Variants in PRSS3 observed in about 807,000 individuals in gnomAD.
The protein encoded by PRSS3 is trypsin-3.
In PRSS3, 14 loss-of-function variants were observed where a neutral mutation model predicts 20.8. That is an observed-to-expected ratio of 0.67 (90% CI 0.44 to 1.05). The LOEUF (loss-of-function observed/expected upper bound fraction) is 1.05, where lower values mean the gene tolerates loss of function less well. Among genes scored for constraint, PRSS3 ranks in the 50% least tolerant of loss-of-function variants. The pLI, the probability that PRSS3 is intolerant of heterozygous loss-of-function variation, is 0.00. For missense variants in PRSS3, 237 were observed against 306.4 expected, an observed-to-expected ratio of 0.77 and a Z score of 1.69; for synonymous variants, 91 against 117.6, an observed-to-expected ratio of 0.77 and a Z score of 1.46.
chr9:33,750,734 C>T lies in PRSS3; in HGVS notation c.-53+7C>T, dbSNP rs1325515482. On this transcript the variant is annotated splice_region_variant and intron_variant, in intron 1 of 5. Transcript: ENST00000342836. This position sits in a 1 kb window ranked among gnomAD's most constrained non-coding sequence, Gnocchi z 4.8. ...TGCGAGGCGCTGGGCACAGGTCAGA[C>T]GTCAGTACCCGCAGGGGGCTTGAAA... is the stretch of plus-strand genomic sequence containing the variant. The T allele has an allele frequency of 2.7e-5, 39 of 1,430,110 alleles. No individual in the cohort carries two copies. The African/African-American group carries it at 5.2e-4, about 19-fold the overall frequency. The allele number at this position is 1,430,110 out of a possible 1,614,324, so 88.6% of individuals were successfully genotyped here. A position where few individuals can be genotyped will look rare whatever the true frequency, so the allele number is the denominator to read the frequency against.
chr9:33,754,635 G>A (rs1193812332), intron 1 of PRSS3, among the ~76,000 whole-genome samples: 3 of 151,844 alleles, frequency 2.0e-5, no homozygotes, highest in African/African-American at 7.3e-5. Context: ...TTCAAGACCA[G>A]CCTGGCCAAC....
intron 1 of PRSS3, among the ~76,000 whole-genome samples, chr9:33,754,810 C>A (rs1285492822): frequency 2.0e-5 from 3 of 152,064 alleles, no homozygotes; most frequent in African/African-American, 7.2e-5. Flanking sequence ...CCAGCCTGGA[C>A]AACAAGAGCA....
At chr9:33,798,869 G>A in intron 4 of PRSS3, 159 bp from the exon 5 acceptor site, 2 of 1,116,404 alleles carry the variant, frequency 1.8e-6, no homozygotes, top group Non-Finnish European at 2.6e-6. Flanking sequence ...CCCTTGTGCT[G>A]CACGCTGCCT....
intron 1 of PRSS3, among the ~76,000 whole-genome samples, chr9:33,779,385 T>C (rs1824078161): frequency 6.6e-6 from 1 of 152,198 alleles, no homozygotes; most frequent in Non-Finnish European, 1.5e-5. Flanking sequence ...ATAGCCATTT[T>C]GAGAATCAGA....
At chr9:33,782,846 G>C (rs1462674545) in intron 1 of PRSS3, among the ~76,000 whole-genome samples, 1 of 152,148 alleles carries the variant, frequency 6.6e-6, no homozygotes, top group East Asian at 1.9e-4. Context: ...TACCCCATGA[G>C]CCAGCAATTA....
At chr9:33,759,613 T>C (rs1192752909) in intron 1 of PRSS3, among the ~76,000 whole-genome samples, 1 of 152,140 alleles carries the variant, frequency 6.6e-6, no homozygotes, top group African/African-American at 2.4e-5. Context: ...GGAAAAAAGA[T>C]GGTGAATTCA....
upstream of PRSS3, among the ~76,000 whole-genome samples, chr9:33,794,080 G>T (rs140363004): frequency 7.0e-3 from 1,072 of 152,292 alleles, 3 homozygotes; most frequent in Middle Eastern, 0.017. Flanking sequence ...GGTACTCTGT[G>T]TGTCCTCTCA....
intron 1 of PRSS3, among the ~76,000 whole-genome samples, chr9:33,772,615 C>T (rs900238861): frequency 6.6e-6 from 1 of 152,056 alleles, no homozygotes; most frequent in Admixed American, 6.6e-5. Flanking sequence ...TTGCTTGTCT[C>T]GCCAACATCT....
upstream of PRSS3, among the ~76,000 whole-genome samples, chr9:33,792,667 G>A (rs2119075895): frequency 6.6e-6 from 1 of 152,328 alleles, no homozygotes; most frequent in Non-Finnish European, 1.5e-5. Context: ...GTGTGGCCTT[G>A]AGCAAGTCAC....
At chr9:33,772,995 T>TAC (rs1452399381) in intron 1 of PRSS3, among the ~76,000 whole-genome samples, 1 of 152,154 alleles carries the variant, frequency 6.6e-6, no homozygotes, top group African/African-American at 2.4e-5. Flanking sequence ...AAGGGAAAAT[T>TAC]ACTGCTTTGT....
At chr9:33,756,244 T>C (rs1318186222) in intron 1 of PRSS3, among the ~76,000 whole-genome samples, 1 of 152,218 alleles carries the variant, frequency 6.6e-6, no homozygotes, top group East Asian at 1.9e-4. Flanking sequence ...TATTTTCTTA[T>C]GGTGCTGTTG....
intron 1 of PRSS3, among the ~76,000 whole-genome samples, chr9:33,772,536 T>G (rs761983516): frequency 6.6e-6 from 1 of 152,186 alleles, no homozygotes; most frequent in Non-Finnish European, 1.5e-5. Flanking sequence ...ATACAAAGAA[T>G]TTTAATTATA....
At chr9:33,771,898 A>G (rs1395999133) in intron 1 of PRSS3, among the ~76,000 whole-genome samples, 1 of 143,292 alleles carries the variant, frequency 7.0e-6, no homozygotes, top group Admixed American at 6.9e-5. Flanking sequence ...TTGAAACTAA[A>G]TCTTGCTTTA....
intron 1 of PRSS3, among the ~76,000 whole-genome samples, chr9:33,771,050 A>C (rs1823665515): frequency 6.6e-6 from 1 of 152,196 alleles, no homozygotes; most frequent in African/African-American, 2.4e-5. Context: ...TGCACAGGAC[A>C]GCCCCACAAC....
At chr9:33,760,157 G>A (rs1823123908) in intron 1 of PRSS3, among the ~76,000 whole-genome samples, 2 of 149,644 alleles carry the variant, frequency 1.3e-5, no homozygotes, top group South Asian at 2.1e-4. Context: ...TAAGGATAGT[G>A]TTAATTACTG....
chr9:33,796,334 A>G (rs1824934249), intron 1 of PRSS3, among the ~76,000 whole-genome samples: 2 of 152,332 alleles, frequency 1.3e-5, no homozygotes, highest in Middle Eastern at 3.4e-3. Context: ...AGAAGCACTC[A>G]GTGGGTGAGA....
At chr9:33,775,950 CGCCTCA>C (rs1823904388) in intron 1 of PRSS3, among the ~76,000 whole-genome samples, 1 of 152,052 alleles carries the variant, frequency 6.6e-6, no homozygotes, top group Non-Finnish European at 1.5e-5. Context: ...GTGATCTACC[CGCCTCA>C]GCCTCCCAGA....
At chr9:33,755,383 G>T (rs946426205) in intron 1 of PRSS3, among the ~76,000 whole-genome samples, 4 of 151,938 alleles carry the variant, frequency 2.6e-5, no homozygotes, top group African/African-American at 9.7e-5. Flanking sequence ...CAATGCTTTG[G>T]GTTGTGTTTT....
chr9:33,786,574 C>A, intron 1 of PRSS3: 3 of 766,366 alleles, frequency 3.9e-6, no homozygotes. Context: ...GCAGGGATAT[C>A]TGTCAACGTG....
Sources: gnomAD v4.1 joint callset for allele counts (sites outside exome capture counted in the v4.1 genomes callset) on GRCh38, gnomAD v4.1.1 for gene constraint, Gnocchi (gnomAD v3.1) non-coding constraint, MANE v1.5 for transcripts, NCBI Gene and HGNC (gene_info 2026-07-23, HGNC 2026-07-21) for gene names.